Variants in RALYL observed in about 807,000 individuals in gnomAD.
RALYL encodes RALY RNA binding protein like.
A neutral mutation model predicts 35.1 loss-of-function variants in RALYL; 29 were observed. The observed-to-expected ratio is 0.83, with a 90% CI of 0.61 to 1.13. The LOEUF (loss-of-function observed/expected upper bound fraction) is 1.13. Among genes scored for constraint, RALYL ranks in the 50% most tolerant of loss-of-function variants. The pLI is 0.00. For missense variants in RALYL, 359 were observed against 360.4 expected, an observed-to-expected ratio of 1.00 and a Z score of 0.03; for synonymous variants, 120 against 127.6, an observed-to-expected ratio of 0.94 and a Z score of 0.40.
intron 1 of RALYL, among the ~76,000 whole-genome samples, chr8:84,379,041 A>C (rs1248474663): frequency 6.6e-6 from 1 of 151,882 alleles, no homozygotes; most frequent in Non-Finnish European, 1.5e-5. Context: ...TCTCAGATGC[A>C]GCTCCATGTT....
In RALYL at chr8:84,551,863, A is replaced by G. The variant is rs1225984870; in HGVS notation, c.256+22286A>G. Among the ~76,000 whole-genome samples, 120 of 152,098 alleles carry G rather than the reference A, an allele frequency of 7.9e-4. 1 individual carries two copies. Among genetic ancestry groups the G allele is most frequent in the Non-Finnish European group, 1.5e-5 (1 of 68,000 alleles). ...GACCAAGATGGTAACTGTATAAATGAAAAGGAATCATTTAATCTTTCATTT... is the reference window on the plus strand; with the variant it reads ...GACCAAGATGGTAACTGTATAAATGGAAAGGAATCATTTAATCTTTCATTT... On this transcript the variant is annotated intron_variant, in intron 2 of 8. Coordinates refer to ENST00000521268, the MANE Select transcript of RALYL (RefSeq NM_173848.7).
intron 1 of RALYL, among the ~76,000 whole-genome samples, chr8:84,376,153 T>C (rs994364398): frequency 3.3e-5 from 5 of 151,878 alleles, no homozygotes; most frequent in Non-Finnish European, 7.4e-5. Flanking sequence ...TATGTTGTCA[T>C]GAATAGAAAA....
intron 1 of RALYL, among the ~76,000 whole-genome samples, chr8:84,466,551 T>G (rs2051682652): frequency 6.6e-6 from 1 of 151,564 alleles, no homozygotes; most frequent in Non-Finnish European, 1.5e-5. Context: ...TTGCCAGTAT[T>G]TTATTGAGGA....
chr8:84,777,862 C>T (rs1267149912), intron 3 of RALYL, among the ~76,000 whole-genome samples: 1 of 152,088 alleles, frequency 6.6e-6, no homozygotes, highest in African/African-American at 2.4e-5. Flanking sequence ...AGGATAGTCT[C>T]GATCTCCTGA....
intron 2 of RALYL, among the ~76,000 whole-genome samples, chr8:84,685,457 A>G (rs1565226): frequency 0.37 from 56,263 of 151,876 alleles, 12,812 homozygotes; most frequent in South Asian, 0.58. Context: ...CCTCAGCACT[A>G]TTCAGCTCCT....
At chr8:84,248,811 T>C (rs1563606277) in intron 1 of RALYL, among the ~76,000 whole-genome samples, 1 of 152,084 alleles carries the variant, frequency 6.6e-6, no homozygotes, top group Non-Finnish European at 1.5e-5. Context: ...CAGTTTCATT[T>C]TGTGGAAGGA....
rs530422295 is a variant in RALYL, at chr8:84,650,719, T to G, written c.256+121142T>G. On this transcript the variant is annotated intron_variant, in intron 2 of 8. Coordinates refer to ENST00000521268, the MANE Select transcript of RALYL (RefSeq NM_173848.7). ...CCATTTGACCCAGCCATCCCATTAC[T>G]GGGTATATACCCAAAGGACTATAAA... Among the ~76,000 whole-genome samples, 6 of 151,916 alleles carry G rather than the reference T, an allele frequency of 3.9e-5. No individual in the cohort carries two copies. In the East Asian group the frequency reaches 7.8e-4, roughly 20 times the overall value.
At chr8:84,271,935 T>C (rs912577086) in intron 1 of RALYL, among the ~76,000 whole-genome samples, 1 of 152,168 alleles carries the variant, frequency 6.6e-6, no homozygotes, top group African/African-American at 2.4e-5. Flanking sequence ...GGTACTAAAA[T>C]TGAATTGTGT....
At chr8:84,580,264 A>T (rs1006157799) in intron 2 of RALYL, among the ~76,000 whole-genome samples, 1 of 152,228 alleles carries the variant, frequency 6.6e-6, no homozygotes, top group African/African-American at 2.4e-5. Flanking sequence ...ATCCATTTTG[A>T]GTTGCTATAA....
At chr8:84,783,931 C>T (rs1216794299) in intron 3 of RALYL, among the ~76,000 whole-genome samples, 2 of 152,208 alleles carry the variant, frequency 1.3e-5, no homozygotes. Context: ...AGTCTAAAAG[C>T]TAGGGCTCAG....
At position 84,646,117 on chromosome 8, in the gene RALYL, C is replaced by T. The variant is rs537687099; in HGVS notation, c.256+116540C>T. On this transcript the variant is annotated intron_variant, in intron 2 of 8. Coordinates refer to ENST00000521268, the MANE Select transcript of RALYL (RefSeq NM_173848.7). ...TGAAAGGCTCCAGATATGCAAATCT[C>T]GGACATCCTTTACTTAGCTTCCATT... is the stretch of plus-strand genomic sequence containing the variant. Among the ~76,000 whole-genome samples the T allele has an allele frequency of 1.5e-3, 224 of 151,970 alleles. 3 individuals carry two copies. The highest frequency in any genetic ancestry group is 9.3e-4 in the Non-Finnish European group (63 of 67,940).
At chr8:84,281,446 A>G (rs1025621242) in intron 1 of RALYL, among the ~76,000 whole-genome samples, 2 of 151,866 alleles carry the variant, frequency 1.3e-5, no homozygotes, top group Non-Finnish European at 2.9e-5. Context: ...TTTACAACAT[A>G]TGAATGAAAG....
intron 4 of RALYL, among the ~76,000 whole-genome samples, chr8:84,843,414 T>C (rs1021160207): frequency 1.1e-4 from 16 of 152,100 alleles, no homozygotes; most frequent in Non-Finnish European, 1.9e-4. Flanking sequence ...TTACAAGGGA[T>C]ATGAAGGACC....
chr8:84,408,089 TA>T (rs1563869410), intron 1 of RALYL, among the ~76,000 whole-genome samples: 1 of 152,116 alleles, frequency 6.6e-6, no homozygotes, highest in African/African-American at 2.4e-5. Context: ...AAAGTTTTTT[TA>T]AACTTATTTA....
intron 2 of RALYL, among the ~76,000 whole-genome samples, chr8:84,577,608 T>C (rs548488204): frequency 6.6e-5 from 10 of 152,144 alleles, no homozygotes; most frequent in South Asian, 4.2e-4. Context: ...TGAATTCCCC[T>C]TTTTTTTAAA....
intron 1 of RALYL, among the ~76,000 whole-genome samples, chr8:84,215,501 A>G (rs1820591991): frequency 6.6e-6 from 1 of 151,936 alleles, no homozygotes. Flanking sequence ...ATATAAATGC[A>G]TATCTATTCA....
intron 1 of RALYL, among the ~76,000 whole-genome samples, chr8:84,434,610 G>A (rs2047501534): frequency 1.3e-5 from 2 of 152,030 alleles, no homozygotes; most frequent in Admixed American, 6.6e-5. Flanking sequence ...TTCTTTAAAA[G>A]CAAACTTAAA....
intron 1 of RALYL, among the ~76,000 whole-genome samples, chr8:84,288,836 C>T (rs926324991): frequency 4.6e-5 from 7 of 151,844 alleles, no homozygotes; most frequent in Admixed American, 2.0e-4. Flanking sequence ...TTTTTGCTAT[C>T]GTAAATAATG....
intron 1 of RALYL, among the ~76,000 whole-genome samples, chr8:84,209,194 T>G (rs16912525): frequency 0.043 from 6,444 of 151,608 alleles, 463 homozygotes; most frequent in African/African-American, 0.15. Flanking sequence ...AAGCCTATTT[T>G]TAGGAGGTAT....
Sources: allele counts gnomAD v4.1 joint callset (sites outside exome capture counted in the v4.1 genomes callset), GRCh38; gene constraint gnomAD v4.1.1; transcripts MANE v1.5; gene names NCBI Gene and HGNC (gene_info 2026-07-23, HGNC 2026-07-21).